Variants in ANKRD12 observed in about 807,000 individuals in gnomAD.
The protein encoded by ANKRD12 is ankyrin repeat domain-containing protein 12.
ANKRD12 carries 85 observed loss-of-function variants against 183.4 expected under a neutral mutation model. That is an observed-to-expected ratio of 0.46 (90% CI 0.39 to 0.56). The LOEUF (loss-of-function observed/expected upper bound fraction) is 0.56, where lower values mean the gene tolerates loss of function less well. Among genes scored for constraint, ANKRD12 ranks in the 20% least tolerant of loss-of-function variants. The pLI is 0.00. For synonymous variants in ANKRD12, 914 were observed against 800.2 expected, an observed-to-expected ratio of 1.14 and a Z score of -2.40; for missense variants, 2,405 against 2,357.1, an observed-to-expected ratio of 1.02 and a Z score of -0.42.
intron 1 of ANKRD12, among the ~76,000 whole-genome samples, chr18:9,175,350 T>C (rs1272157760): frequency 6.6e-6 from 1 of 152,044 alleles, no homozygotes; most frequent in South Asian, 2.1e-4. Context: ...CAACTAGAGG[T>C]GTTTTTTTCT....
intron 10 of ANKRD12, among the ~76,000 whole-genome samples, chr18:9,268,932 T>A (rs2039450246): frequency 6.6e-6 from 1 of 152,208 alleles, no homozygotes; most frequent in South Asian, 2.1e-4. Flanking sequence ...AGTCTCAGGA[T>A]GCAAAATCAA....
intron 1 of ANKRD12, among the ~76,000 whole-genome samples, chr18:9,165,781 C>T (rs929017830): frequency 9.3e-5 from 14 of 151,036 alleles, no homozygotes; most frequent in Admixed American, 2.0e-4. Flanking sequence ...AGGTTTTTTA[C>T]GTATGTATAC....
rs1567983171 is a variant in ANKRD12 at position 9,258,169 on chromosome 18, A to G, written c.4902A>G (p.Glu1634=). Residue 1634 remains glutamate, a synonymous_variant, in exon 9 of 13, where the codon GAA becomes GAG. Transcript: ENST00000262126. ...CTCAGGTCATTTCACATGAAAAAGA[A>G]AACAAACTGGAGAGTTTGGTTTTAA... ...TDTQVISHEK[E]NKLESLVLTH... is the part of the protein sequence containing the mutation. 6.2e-7 allele frequency: 1 copy of G among 1,613,788 alleles called. No homozygotes were observed. Among genetic ancestry groups the G allele is most frequent in the African/African-American group, 1.3e-5 (1 of 74,934 alleles).
chr18:9,192,659 G>T (rs1227558500), intron 2 of ANKRD12, among the ~76,000 whole-genome samples: 2 of 151,652 alleles, frequency 1.3e-5, no homozygotes, highest in Non-Finnish European at 2.9e-5. Context: ...TGTGGAGTAG[G>T]TGCCTTTTTA....
At position 9,214,291 on chromosome 18, in the gene ANKRD12, A is replaced by G. The variant is rs1028082421; in HGVS notation, c.653-2467A>G. Among the ~76,000 whole-genome samples, 3 of 152,188 alleles carry G rather than the reference A, an allele frequency of 2.0e-5. No homozygotes were observed. The South Asian group carries it at 6.2e-4, about 31-fold the overall frequency. On this transcript the variant is annotated intron_variant, in intron 6 of 12. Coordinates refer to ENST00000262126, the MANE Select transcript of ANKRD12 (RefSeq NM_015208.5). ...ACATATGCATACAGACATAGGCTAT[A>G]CATAGCACCATTCAGAATCAGGAGA...
At chr18:9,238,946 A>G (rs924487492) in intron 8 of ANKRD12, among the ~76,000 whole-genome samples, 29 of 152,256 alleles carry the variant, frequency 1.9e-4, no homozygotes, top group African/African-American at 6.5e-4. Context: ...ACATGGTGAA[A>G]CCCCATCTTT....
At chr18:9,217,165 C>T (rs1339141468) in intron 7 of ANKRD12, among the ~76,000 whole-genome samples, 1 of 152,044 alleles carries the variant, frequency 6.6e-6, no homozygotes, top group Non-Finnish European at 1.5e-5. Context: ...CTTTATAAGA[C>T]AATTGGATGT....
At chr18:9,177,395 C>T (rs1258466379) in intron 1 of ANKRD12, among the ~76,000 whole-genome samples, 1 of 150,348 alleles carries the variant, frequency 6.7e-6, no homozygotes, top group Non-Finnish European at 1.5e-5. Flanking sequence ...TTAATTTTAA[C>T]CATTCTGGTG....
intron 1 of ANKRD12, among the ~76,000 whole-genome samples, chr18:9,154,841 G>C (rs889764924): frequency 2.0e-5 from 3 of 152,212 alleles, no homozygotes; most frequent in African/African-American, 7.2e-5. Flanking sequence ...AAGATTAACA[G>C]AAAAGAGTTC....
At chr18:9,190,392 G>A (rs549474018) in intron 2 of ANKRD12, among the ~76,000 whole-genome samples, 1 of 152,316 alleles carries the variant, frequency 6.6e-6, no homozygotes, top group Non-Finnish European at 1.5e-5. Flanking sequence ...TATTTCTTGA[G>A]ATGGAATCTA....
intron 11 of ANKRD12, among the ~76,000 whole-genome samples, chr18:9,275,931 A>G (rs1270020147): frequency 6.6e-6 from 1 of 152,208 alleles, no homozygotes; most frequent in Non-Finnish European, 1.5e-5. Context: ...GGTACACATA[A>G]TTTGTTTCTA....
chr18:9,223,519 T>A (rs949381375), intron 8 of ANKRD12, among the ~76,000 whole-genome samples: 3 of 152,114 alleles, frequency 2.0e-5, no homozygotes, highest in Non-Finnish European at 4.4e-5. Context: ...GTATTGACGT[T>A]AGACAAAGAA....
At chr18:9,205,563 A>C (rs1416489062) in intron 4 of ANKRD12, among the ~76,000 whole-genome samples, 2 of 152,076 alleles carry the variant, frequency 1.3e-5, no homozygotes, top group African/African-American at 4.8e-5. Flanking sequence ...ATTTACAGTC[A>C]GTTACTGTGG....
At chr18:9,175,711 A>G (rs1248920236) in intron 1 of ANKRD12, among the ~76,000 whole-genome samples, 1 of 151,338 alleles carries the variant, frequency 6.6e-6, no homozygotes, top group Admixed American at 6.6e-5. Flanking sequence ...GTATTTTAGT[A>G]GAGATGGGGT....
At position 9,175,523 on chromosome 18, in the gene ANKRD12, C is replaced by CTTTTTTTTTTTTTTTT. The variant is rs33944736; in HGVS notation, c.-51-6846_-51-6831dup. 5.6e-5 allele frequency among the ~76,000 whole-genome samples: 3 copies of CTTTTTTTTTTTTTTTT among 53,312 alleles called. 1 individual carries two copies. The highest frequency in any genetic ancestry group is 9.5e-5 in the Non-Finnish European group (3 of 31,444). 35.0% of individuals were successfully genotyped at this position (53,312 alleles called of 152,430 possible). On this transcript the variant is annotated intron_variant, in intron 1 of 12. Coordinates refer to ENST00000262126, the MANE Select transcript of ANKRD12 (RefSeq NM_015208.5). ...CTTGATCAGTTTTTCAAAGGCTCCT[C>CTTTTTTTTTTTTTTTT]TTTTTTTTTTTTTTTTTTTTTTTTT... is the stretch of plus-strand genomic sequence containing the variant.
chr18:9,173,628 A>AGGGGGGGGGGGGGGGGG (rs775694472), intron 1 of ANKRD12, among the ~76,000 whole-genome samples: 1 of 51,254 alleles, frequency 2.0e-5, no homozygotes, highest in African/African-American at 7.3e-5. Flanking sequence ...GGGGGGGGGT[A>AGGGGGGGGGGGGGGGGG]GGGGGGGCAG....
rs191640949 is a variant in ANKRD12, at chr18:9,163,958, A to G, written c.-51-18424A>G. On this transcript the variant is annotated intron_variant, in intron 1 of 12. Coordinates refer to ENST00000262126, the MANE Select transcript of ANKRD12 (RefSeq NM_015208.5). ...GACAATGTGATTTTCTAGATATAGG[A>G]TCATGTCTTCTGCAAACAAAGGTAA... is the stretch of plus-strand genomic sequence containing the variant. 1.4e-3 allele frequency among the ~76,000 whole-genome samples: 215 copies of G among 152,260 alleles called. 1 individual carries two copies. Among genetic ancestry groups the G allele is most frequent in the African/African-American group, 5.0e-3 (209 of 41,534 alleles).
chr18:9,213,696 A>G (rs926219061), intron 6 of ANKRD12, among the ~76,000 whole-genome samples: 4 of 151,852 alleles, frequency 2.6e-5, no homozygotes, highest in African/African-American at 9.7e-5. Context: ...CTGGGTGGTG[A>G]GATTATGGAC....
chr18:9,214,809 C>CTAG (rs2036001542), intron 6 of ANKRD12, among the ~76,000 whole-genome samples: 1 of 152,116 alleles, frequency 6.6e-6, no homozygotes, highest in South Asian at 2.1e-4. Context: ...TGGAGCTATG[C>CTAG]TAGTGGGTTT....
Sources: gnomAD v4.1 joint callset for allele counts (sites outside exome capture counted in the v4.1 genomes callset) on GRCh38, gnomAD v4.1.1 for gene constraint, MANE v1.5 for transcripts, NCBI Gene and HGNC (gene_info 2026-07-23, HGNC 2026-07-21) for gene names.